The following UVRAG variants were observed in gnomAD, a reference collection of about 807,000 sequenced individuals.
UVRAG encodes the protein UV radiation resistance-associated gene protein.
Under a neutral mutation model 78.0 loss-of-function variants are expected in UVRAG, and 19 were observed. The observed-to-expected ratio is 0.24, with a 90% confidence interval of 0.17 to 0.36. The LOEUF (loss-of-function observed/expected upper bound fraction) is 0.36. Among genes scored for constraint, UVRAG ranks in the 10% least tolerant of loss-of-function variants. The pLI is 1.00. For missense variants in UVRAG, 740 were observed against 853.8 expected, an observed-to-expected ratio of 0.87 and a Z score of 1.66; for synonymous variants, 323 against 324.6, an observed-to-expected ratio of 1.00 and a Z score of 0.05.
intron 6 of UVRAG, among the ~76,000 whole-genome samples, chr11:75,955,274 G>A (rs182434508): frequency 4.6e-5 from 7 of 152,226 alleles, no homozygotes; most frequent in Admixed American, 3.9e-4. Context: ...GAGCCCTGAG[G>A]GATTTGTTGA....
At chr11:75,922,864 C>T (rs1432823721) in intron 6 of UVRAG, among the ~76,000 whole-genome samples, 1 of 149,112 alleles carries the variant, frequency 6.7e-6, no homozygotes, top group African/African-American at 2.5e-5. Context: ...ACCCAGGCAG[C>T]GGAGGTTGTG....
chr11:75,940,749 A>T (rs1054907488), intron 6 of UVRAG, among the ~76,000 whole-genome samples: 1 of 152,206 alleles, frequency 6.6e-6, no homozygotes, highest in Non-Finnish European at 1.5e-5. Context: ...AACCTTTGAA[A>T]AAATGTATGA....
At chr11:75,887,785 T>TGTTGGCCAG (rs1178899791) in intron 4 of UVRAG, among the ~76,000 whole-genome samples, 1 of 152,048 alleles carries the variant, frequency 6.6e-6, no homozygotes, top group East Asian at 1.9e-4. Context: ...GGTTTCGCCA[T>TGTTGGCCAG]GTTGGCCAGG....
intron 6 of UVRAG, among the ~76,000 whole-genome samples, chr11:75,951,366 T>TA (rs1386957663): frequency 1.2e-4 from 17 of 145,912 alleles, no homozygotes; most frequent in African/African-American, 4.5e-4. Flanking sequence ...TGTGTATATA[T>TA]TTTTTGTTTG....
At chr11:76,060,910 C>G (rs528184104) in intron 12 of UVRAG, among the ~76,000 whole-genome samples, 1 of 152,232 alleles carries the variant, frequency 6.6e-6, no homozygotes, top group Non-Finnish European at 1.5e-5. Context: ...TGCTCCATGG[C>G]GCCCAGTGCC....
chr11:75,990,586 A>G (rs529529128), intron 8 of UVRAG, among the ~76,000 whole-genome samples: 1 of 152,318 alleles, frequency 6.6e-6, no homozygotes, highest in Admixed American at 6.5e-5. Flanking sequence ...CTCAATCTGA[A>G]TGCTTCAACC....
chr11:75,893,954 T>A (rs1947281644), intron 5 of UVRAG, among the ~76,000 whole-genome samples: 1 of 152,236 alleles, frequency 6.6e-6, no homozygotes, highest in South Asian at 2.1e-4. Context: ...AGGGATAGTT[T>A]TAAATGCATA....
intron 13 of UVRAG, among the ~76,000 whole-genome samples, chr11:76,072,179 G>C (rs1344434605): frequency 6.6e-6 from 1 of 152,146 alleles, no homozygotes; most frequent in Admixed American, 6.5e-5. Context: ...AAGTTGAATA[G>C]AGGAGGAAGA....
At chr11:75,912,611 G>A (rs1183465922) in intron 6 of UVRAG, among the ~76,000 whole-genome samples, 3 of 152,160 alleles carry the variant, frequency 2.0e-5, no homozygotes, top group South Asian at 2.1e-4. Flanking sequence ...TTTCCAGGGA[G>A]CAAGCCACCA....
chr11:76,017,781 A>G (rs1950176349), intron 12 of UVRAG, among the ~76,000 whole-genome samples: 1 of 152,186 alleles, frequency 6.6e-6, no homozygotes, highest in Non-Finnish European at 1.5e-5. Context: ...AGAATTCTAT[A>G]CCCAGTGAAA....
At chr11:75,918,784 A>G (rs1002513135) in intron 6 of UVRAG, among the ~76,000 whole-genome samples, 4 of 152,206 alleles carry the variant, frequency 2.6e-5, no homozygotes, top group Non-Finnish European at 5.9e-5. Flanking sequence ...TCAGGTTACT[A>G]GAGGACTAAA....
At chr11:75,830,794 A>G (rs1945639040) in intron 1 of UVRAG, among the ~76,000 whole-genome samples, 1 of 152,258 alleles carries the variant, frequency 6.6e-6, no homozygotes, top group African/African-American at 2.4e-5. Context: ...TCATTCTACA[A>G]ATACTGTGTT....
intron 5 of UVRAG, among the ~76,000 whole-genome samples, chr11:75,890,379 G>C (rs113831776): frequency 6.6e-6 from 1 of 152,168 alleles, no homozygotes; most frequent in Non-Finnish European, 1.5e-5. Flanking sequence ...AGAGAAGATA[G>C]ATTTAAGAAA....
At chr11:75,972,584 T>A (rs1949146076) in intron 7 of UVRAG, among the ~76,000 whole-genome samples, 1 of 152,240 alleles carries the variant, frequency 6.6e-6, no homozygotes, top group South Asian at 2.1e-4. Context: ...TGGGTATATT[T>A]CTAGGCTCTC....
At chr11:76,123,143 CCCTGCCCTCCT>C (rs1952319932) in intron 14 of UVRAG, among the ~76,000 whole-genome samples, 1 of 152,142 alleles carries the variant, frequency 6.6e-6, no homozygotes. Flanking sequence ...TCTGCCCTTC[CCCTGCCCTCCT>C]GTCTCTGTGC....
intron 8 of UVRAG, among the ~76,000 whole-genome samples, chr11:75,989,558 A>T (rs574085254): frequency 6.6e-6 from 1 of 152,320 alleles, no homozygotes; most frequent in African/African-American, 2.4e-5. Flanking sequence ...GTGGGAGGAA[A>T]ATCTGATGTA....
chr11:75,968,234 A>T (rs1344972450), intron 7 of UVRAG, among the ~76,000 whole-genome samples: 2 of 152,226 alleles, frequency 1.3e-5, no homozygotes, highest in African/African-American at 4.8e-5. Context: ...GCAGAGACTC[A>T]TAAATAGGAA....
At chr11:76,113,694 G>A (rs917691079) in intron 13 of UVRAG, among the ~76,000 whole-genome samples, 2 of 152,152 alleles carry the variant, frequency 1.3e-5, no homozygotes, top group African/African-American at 4.8e-5. Context: ...GTTATTAAGC[G>A]GTTCTAGCCT....
intron 7 of UVRAG, among the ~76,000 whole-genome samples, chr11:75,963,580 A>G (rs1948951224): frequency 6.6e-6 from 1 of 152,204 alleles, no homozygotes; most frequent in South Asian, 2.1e-4. Context: ...TTAAGAAATC[A>G]TTTTCATTTT....
Sources: gnomAD v4.1 joint callset for allele counts (sites outside exome capture counted in the v4.1 genomes callset) on GRCh38, gnomAD v4.1.1 for gene constraint, MANE v1.5 for transcripts, NCBI Gene and HGNC (gene_info 2026-07-23, HGNC 2026-07-21) for gene names.